Variants in DNMBP observed in about 807,000 individuals in gnomAD.
DNMBP encodes dynamin-binding protein.
Under a neutral mutation model 150.0 loss-of-function variants are expected in DNMBP, and 87 were observed. The observed-to-expected ratio is 0.58, with a 90% CI of 0.49 to 0.69. The LOEUF (loss-of-function observed/expected upper bound fraction) is 0.69, where lower values mean the gene tolerates loss of function less well. DNMBP is among the 30% of genes least tolerant of loss of function. The pLI is 0.00. For missense variants in DNMBP, 1,774 were observed against 1,949.0 expected (o/e 0.91, Z 1.69); for synonymous variants, 711 against 750.4 (o/e 0.95, Z 0.86).
intron 1 of DNMBP, among the ~76,000 whole-genome samples, chr10:99,994,398 G>A (rs370675619): frequency 1.3e-5 from 2 of 152,160 alleles, no homozygotes; most frequent in African/African-American, 4.8e-5. Flanking sequence ...GACAATGGCG[G>A]GTGATGACGA....
At chr10:99,914,552 G>A (rs956419755) in intron 4 of DNMBP, among the ~76,000 whole-genome samples, 5 of 152,092 alleles carry the variant, frequency 3.3e-5, no homozygotes, top group African/African-American at 4.8e-5. Context: ...AGCCATCACA[G>A]AGCAGATTTC....
In DNMBP at chr10:99,876,052, G is replaced by T. The variant is rs1217802692; in HGVS notation, c.*1099C>A. 6.6e-6 allele frequency: 1 copy of T among 152,200 alleles called. No homozygotes were observed. Among genetic ancestry groups the T allele is most frequent in the Non-Finnish European group, 1.5e-5 (1 of 68,042 alleles). 9.4% of individuals were successfully genotyped at this position (152,200 alleles called of 1,614,324 possible). On this transcript the variant is annotated 3_prime_UTR_variant, in exon 17 of 17. Transcript: ENST00000324109. ...TCAAGTAAGTCACAGGTGTTATGTT[G>T]TCTGCATCTATGGATGTAACTAAAC... is the stretch of plus-strand genomic sequence containing the variant.
intron 1 of DNMBP, among the ~76,000 whole-genome samples, chr10:99,988,520 T>C (rs1484128435): frequency 6.6e-6 from 1 of 152,182 alleles, no homozygotes; most frequent in African/African-American, 2.4e-5. Flanking sequence ...CTTTACACCA[T>C]AGTGTTATGA....
At position 99,929,510 on chromosome 10, in the gene DNMBP, C is replaced by T. The variant is rs569330803; in HGVS notation, c.2261-20364G>A. On this transcript the variant is annotated intron_variant, in intron 4 of 16. Coordinates refer to ENST00000324109, the MANE Select transcript of DNMBP (RefSeq NM_015221.4). ...TGCACTTGATAAGAAGTTCAGGGCC[C>T]GGGCTCCTTAAGAACACAAGTGCTC... 3.2e-5 allele frequency: 19 copies of T among 598,916 alleles called. No individual in the cohort carries two copies. In the East Asian group the frequency reaches 3.6e-4, roughly 11 times the overall value. 37.1% of individuals were successfully genotyped at this position (598,916 alleles called of 1,614,324 possible). A position where few individuals can be genotyped will look rare whatever the true frequency, so the allele number is the denominator to read the frequency against.
At chr10:99,907,154 T>C (rs1232780344) in intron 6 of DNMBP, among the ~76,000 whole-genome samples, 1 of 151,454 alleles carries the variant, frequency 6.6e-6, no homozygotes, top group Non-Finnish European at 1.5e-5. Flanking sequence ...AAACTCCATC[T>C]CTACAAAAAA....
chr10:99,931,041 T>C (rs990065850), intron 4 of DNMBP: 2 of 339,936 alleles, frequency 5.9e-6, no homozygotes, highest in African/African-American at 4.2e-5. Flanking sequence ...CTTTGTTTGG[T>C]GTTTCCCTCA....
At chr10:99,947,575 G>A (rs575269643) in intron 4 of DNMBP, among the ~76,000 whole-genome samples, 58 of 149,230 alleles carry the variant, frequency 3.9e-4, no homozygotes, top group Non-Finnish European at 1.2e-4. Context: ...TGGAGGGAGG[G>A]AGGGAGGGAG....
rs2039462235 is a variant in DNMBP at position 99,886,309 on chromosome 10, T to C, written c.3609A>G (p.Pro1203=). Residue 1203 remains proline, a synonymous_variant, in exon 13 of 17, where the codon CCA becomes CCG. Transcript: ENST00000324109. ...CAGGTAAGAAACTCACCGAAAGCAGTGGCTTTAATTGCTCCAGAGCCTGGT... is the reference window on the plus strand; with the variant it reads ...CAGGTAAGAAACTCACCGAAAGCAGCGGCTTTAATTGCTCCAGAGCCTGGT... ...FVHQALEQLK[P]LLSLLKVAGR... The C allele has an allele frequency of 6.2e-7, 1 of 1,610,928 alleles. No individual in the cohort carries two copies. Among genetic ancestry groups the C allele is most frequent in the Non-Finnish European group, 8.5e-7 (1 of 1,177,360 alleles).
chr10:99,978,216 T>TCCAATG (rs1474926583), intron 1 of DNMBP, among the ~76,000 whole-genome samples: 1 of 152,214 alleles, frequency 6.6e-6, no homozygotes, highest in Non-Finnish European at 1.5e-5. Flanking sequence ...CCTGTTTGAT[T>TCCAATG]CCCATGCCCA....
At chr10:99,906,348 CCTT>C (rs2039825524) in intron 6 of DNMBP, among the ~76,000 whole-genome samples, 1 of 152,118 alleles carries the variant, frequency 6.6e-6, no homozygotes, top group South Asian at 2.1e-4. Flanking sequence ...AGGGGTCACT[CCTT>C]CTGCTGGATG....
rs1220273758 is a variant in DNMBP, at chr10:99,891,282, T to C, written c.3157-2329A>G. On this transcript the variant is annotated intron_variant, in intron 11 of 16. Coordinates refer to ENST00000324109, the MANE Select transcript of DNMBP (RefSeq NM_015221.4). ...CCATCTCGGCTCACTGCAACCTCCC[T>C]GCCTGATTCTCCTGCCTCAGCCTGC... Among the ~76,000 whole-genome samples, 3 of 140,354 alleles carry C rather than the reference T, an allele frequency of 2.1e-5. No individual in the cohort carries two copies. The East Asian group carries it at 7.3e-4, about 34-fold the overall frequency. The allele number at this position is 140,354 out of a possible 152,430, so 92.1% of individuals were successfully genotyped here.
intron 4 of DNMBP, among the ~76,000 whole-genome samples, chr10:99,917,944 G>A (rs988653106): frequency 7.2e-6 from 1 of 139,354 alleles, no homozygotes; most frequent in East Asian, 2.1e-4. Flanking sequence ...ACTCCAGCCT[G>A]AGCGATGGAG....
chr10:99,882,595 A>G (rs1319016699), intron 15 of DNMBP, among the ~76,000 whole-genome samples: 1 of 152,062 alleles, frequency 6.6e-6, no homozygotes, highest in African/African-American at 2.4e-5. Context: ...AAATTATCGC[A>G]CCGTACCCCA....
At position 99,885,850 on chromosome 10, in the gene DNMBP, C is replaced by A; in HGVS notation, c.3635G>T (p.Gly1212Val). The change falls in exon 14 of 17, where the codon GGC becomes GTC. Residue 1212 changes from glycine to valine, a missense_variant. Physicochemically the swap from Gly to Val is moderately radical, Grantham distance 109 (BLOSUM62 -3). Around this residue, in one of 2 missense-constraint regions of DNMBP, gnomAD observed 1,430 missense variants for 1,492.5 expected, o/e 0.96. Coordinates refer to ENST00000324109, the MANE Select transcript of DNMBP (RefSeq NM_015221.4). The part of the protein sequence containing the change: ...KPLLSLLKVA[G>V]REGNLIAIFH... ...GATGGCAATAAGGTTTCCCTCTCTGCCAGCCACTTTGAGTAACTGGGGTCC... is the reference window on the plus strand; with the variant it reads ...GATGGCAATAAGGTTTCCCTCTCTGACAGCCACTTTGAGTAACTGGGGTCC... 1.7e-5 allele frequency: 28 copies of A among 1,612,088 alleles called. No homozygotes were observed. Among genetic ancestry groups the A allele is most frequent in the Non-Finnish European group, 2.4e-5 (28 of 1,179,040 alleles).
intron 13 of DNMBP, 127 bp downstream of exon 13, chr10:99,886,173 G>T: frequency 2.5e-6 from 2 of 799,586 alleles, no homozygotes; most frequent in Non-Finnish European, 3.9e-6. Context: ...TTTCCTGAGG[G>T]ATGAACTAGC....
At chr10:100,003,620 G>A (rs1421667543) in intron 1 of DNMBP, among the ~76,000 whole-genome samples, 7 of 152,082 alleles carry the variant, frequency 4.6e-5, no homozygotes, top group Admixed American at 4.6e-4. Flanking sequence ...CTTTGAGGTG[G>A]GAAGACCATT....
chr10:99,890,954 C>T (rs749792955), intron 11 of DNMBP, among the ~76,000 whole-genome samples: 10 of 152,090 alleles, frequency 6.6e-5, no homozygotes, highest in Non-Finnish European at 1.0e-4. Context: ...GCCCTAGTTA[C>T]ATTTTTAAAA....
intron 4 of DNMBP, among the ~76,000 whole-genome samples, chr10:99,938,860 A>G (rs2040262868): frequency 6.6e-6 from 1 of 152,162 alleles, no homozygotes; most frequent in African/African-American, 2.4e-5. Flanking sequence ...GTAGACAACC[A>G]TCCCTCCTTC....
chr10:99,959,617 C>T (rs1272537611), intron 3 of DNMBP, among the ~76,000 whole-genome samples: 4 of 152,012 alleles, frequency 2.6e-5, no homozygotes, highest in African/African-American at 9.7e-5. Context: ...CTTTGGGAGG[C>T]TGAGGTAGAA....
Sources: allele counts gnomAD v4.1 joint callset (sites outside exome capture counted in the v4.1 genomes callset), GRCh38; gene constraint gnomAD v4.1.1; regional missense constraint gnomAD v4.1.1; transcripts MANE v1.5; gene names NCBI Gene and HGNC (gene_info 2026-07-23, HGNC 2026-07-21).